The following XCL1 variants were observed in gnomAD, a reference collection of about 807,000 sequenced individuals.
The protein encoded by XCL1 is X-C motif chemokine ligand 1.
Under a neutral mutation model 7.4 loss-of-function variants are expected in XCL1, and 6 were observed. The observed-to-expected ratio is 0.82, with a 90% CI of 0.45 to 1.61. XCL1 has a LOEUF of 1.61. XCL1 is among the 40% of genes most tolerant of loss of function. The pLI is 0.01. For missense variants in XCL1, 122 were observed against 138.2 expected (o/e 0.88, Z 0.59); for synonymous variants, 48 against 52.4 (o/e 0.92, Z 0.36).
intron 1 of XCL1, among the ~76,000 whole-genome samples, chr1:168,576,977 A>G (rs1655038802): frequency 6.6e-6 from 1 of 151,886 alleles, no homozygotes; most frequent in Admixed American, 6.5e-5. Flanking sequence ...ATTTATGTAT[A>G]ACTGAATAGT....
Position 168,577,229 on chromosome 1 carries a change from A to G in XCL1, c.61+531A>G, listed in dbSNP as rs1655045188. ...AGGATGTATGTTCTGGAGTAAATCA[A>G]TGTTTTCAATACAAAACTAAGCCCC... On this transcript the variant is annotated intron_variant, in intron 1 of 2. Transcript: ENST00000367818. Among the ~76,000 whole-genome samples, 2 of 152,204 alleles carry G rather than the reference A, an allele frequency of 1.3e-5. 1 individual carries two copies. Among genetic ancestry groups the G allele is most frequent in the South Asian group, 4.1e-4 (2 of 4,830 alleles).
intron 1 of XCL1, among the ~76,000 whole-genome samples, chr1:168,577,139 T>A (rs1444060053): frequency 6.6e-6 from 1 of 152,218 alleles, no homozygotes; most frequent in Non-Finnish European, 1.5e-5. Context: ...TTTGCCCATT[T>A]AATATATAGT....
intron 1 of XCL1, among the ~76,000 whole-genome samples, chr1:168,577,933 A>G (rs554985318): frequency 6.6e-6 from 1 of 152,286 alleles, no homozygotes; most frequent in East Asian, 1.9e-4. Flanking sequence ...CTCTGCTTTG[A>G]CTCAATTTTG....
At chr1:168,581,000 C>G in intron 2 of XCL1, 52 bp from the exon 3 acceptor site, 1 of 1,599,820 alleles carries the variant, frequency 6.3e-7, no homozygotes, top group Non-Finnish European at 8.5e-7. Flanking sequence ...ACTCCTGACC[C>G]TGAGGCTTTG....
rs544099325 is a variant in XCL1, at chr1:168,581,967, G to C, written c.*747G>C. On this transcript the variant is annotated 3_prime_UTR_variant, in exon 3 of 3. Coordinates refer to ENST00000367818, the MANE Select transcript of XCL1 (RefSeq NM_002995.3). ...GTTATCATGCATGTTATGCTTTACT[G>C]CGAATAAGCTTTTAATGCTCCAAAT... 3.9e-5 allele frequency: 6 copies of C among 152,292 alleles called. No homozygotes were observed. The East Asian group carries it at 1.2e-3, about 29-fold the overall frequency. 9.4% of individuals were successfully genotyped at this position (152,292 alleles called of 1,614,324 possible).
chr1:168,582,060 G>T lies in XCL1; in HGVS notation c.*840G>T, dbSNP rs1026273925. 8 of 152,178 alleles carry T rather than the reference G, an allele frequency of 5.3e-5. 1 individual carries two copies. The highest frequency in any genetic ancestry group is 1.9e-4 in the African/African-American group (8 of 41,530). The allele number at this position is 152,178 out of a possible 1,614,324, so 9.4% of individuals were successfully genotyped here. A position where few individuals can be genotyped will look rare whatever the true frequency, so the allele number is the denominator to read the frequency against. ...TAAACTTTTAATTAAATGCTCATCT[G>T]GTAACTCAACACCCCAGATTCATGC... On this transcript the variant is annotated 3_prime_UTR_variant, in exon 3 of 3. Transcript: ENST00000367818.
intron 2 of XCL1, 107 bp from the exon 3 acceptor site, chr1:168,580,945 G>C (rs1655150237): frequency 7.1e-7 from 1 of 1,415,350 alleles, no homozygotes; most frequent in Non-Finnish European, 9.5e-7. Context: ...ACTATTTCTT[G>C]CAGTAATTTC....
chr1:168,578,906 C>T (rs1389818147), intron 1 of XCL1: 1 of 373,878 alleles, frequency 2.7e-6, no homozygotes, highest in Admixed American at 3.6e-5. Flanking sequence ...AGGGACCCCC[C>T]ATTTTAGGAC....
chr1:168,580,509 G>A (rs1021438966), intron 2 of XCL1, among the ~76,000 whole-genome samples: 1 of 152,138 alleles, frequency 6.6e-6, no homozygotes, highest in African/African-American at 2.4e-5. Context: ...CCTCACTGGA[G>A]TTGGGGGATC....
At position 168,579,299 on chromosome 1, in the gene XCL1, A is replaced by T. The variant is rs560824834; in HGVS notation, c.62-764A>T. ...GCAGCGGAGGTCCCTTTTGGGCTGG[A>T]TGTCCTGTCCAATGCCTGCCTAAGA... On this transcript the variant is annotated intron_variant, in intron 1 of 2. Transcript: ENST00000367818. 5.1e-4 allele frequency: 138 copies of T among 269,530 alleles called. 1 individual carries two copies. Among genetic ancestry groups the T allele is most frequent in the Admixed American group, 1.7e-3 (39 of 23,584 alleles). 16.7% of individuals were successfully genotyped at this position (269,530 alleles called of 1,614,324 possible).
chr1:168,581,069 G>C lies in XCL1; in HGVS notation c.194G>C (p.Gly65Ala). The change falls in exon 3 of 3, where the codon GGC becomes GCC. Residue 65 changes from glycine (G) to alanine (A), a missense_variant. By Grantham distance (60) the Gly-to-Ala change is moderately conservative. Coordinates refer to ENST00000367818, the MANE Select transcript of XCL1 (RefSeq NM_002995.3). ...CGTTACAGTTTTATTACCAAACGTG[G>C]CCTAAAAGTCTGTGCTGATCCACAA... ...LRAVIFITKR[G>A]LKVCADPQAT... is the part of the protein sequence containing the mutation. 6.2e-7 allele frequency: 1 copy of C among 1,613,620 alleles called. No homozygotes were observed. The highest frequency in any genetic ancestry group is 8.5e-7 in the Non-Finnish European group (1 of 1,179,696).
intron 1 of XCL1, 28 bp from the exon 2 acceptor site, chr1:168,580,035 T>A (rs763283919): frequency 6.3e-7 from 1 of 1,593,090 alleles, no homozygotes; most frequent in South Asian, 1.1e-5. Flanking sequence ...TTATTTTTAA[T>A]TGTCTGTTGT....
At chr1:168,577,919 C>T (rs942183141) in intron 1 of XCL1, among the ~76,000 whole-genome samples, 9 of 152,140 alleles carry the variant, frequency 5.9e-5, no homozygotes, top group East Asian at 3.9e-4. Flanking sequence ...TGAGGGAAAA[C>T]GGTCTCTGCT....
At chr1:168,577,085 T>C (rs1019492979) in intron 1 of XCL1, among the ~76,000 whole-genome samples, 30 of 152,226 alleles carry the variant, frequency 2.0e-4, no homozygotes, top group Admixed American at 1.7e-3. Flanking sequence ...TTGATTAATG[T>C]TAGCTATGGA....
intron 1 of XCL1, among the ~76,000 whole-genome samples, chr1:168,578,260 T>C (rs1248486844): frequency 6.6e-6 from 1 of 152,184 alleles, no homozygotes; most frequent in Non-Finnish European, 1.5e-5. Flanking sequence ...ACACTCTTTG[T>C]TTAGTCCCTT....
chr1:168,579,595 C>G (rs554329397), intron 1 of XCL1, among the ~76,000 whole-genome samples: 9 of 152,152 alleles, frequency 5.9e-5, no homozygotes, highest in African/African-American at 2.2e-4. Flanking sequence ...GGTACTGTAA[C>G]ATGTTGCACT....
At chr1:168,580,693 A>G (rs1467399507) in intron 2 of XCL1, among the ~76,000 whole-genome samples, 1 of 152,244 alleles carries the variant, frequency 6.6e-6, no homozygotes, top group Non-Finnish European at 1.5e-5. Context: ...AAATGTAAAA[A>G]TCACTTTTTA....
chr1:168,580,940 T>C (rs1351133635), intron 2 of XCL1, 112 bp from the exon 3 acceptor site: 1 of 1,395,782 alleles, frequency 7.2e-7, no homozygotes, highest in South Asian at 1.5e-5. Flanking sequence ...GAAAGACTAT[T>C]TCTTGCAGTA....
chr1:168,579,238 C>G (rs1428684312), intron 1 of XCL1: 2 of 345,598 alleles, frequency 5.8e-6, no homozygotes, highest in Admixed American at 3.6e-5. Context: ...TAGCTCTTTG[C>G]AGCTGGAACC....
Sources: gnomAD v4.1 joint callset for allele counts (sites outside exome capture counted in the v4.1 genomes callset) on GRCh38, gnomAD v4.1.1 for gene constraint, MANE v1.5 for transcripts, NCBI Gene and HGNC (gene_info 2026-07-23, HGNC 2026-07-21) for gene names.